CPNE4: variants seen among roughly 807,000 people sequenced by gnomAD.
CPNE4 encodes the protein copine-4.
Under a neutral mutation model 67.9 loss-of-function variants are expected in CPNE4, and 25 were observed. The observed-to-expected ratio is 0.37, with a 90% CI of 0.27 to 0.51. The LOEUF is 0.51. CPNE4 is among the 20% of genes least tolerant of loss of function. CPNE4 has a pLI of 0.93. For synonymous variants in CPNE4, 242 were observed against 244.9 expected, an observed-to-expected ratio of 0.99 and a Z score of 0.11; for missense variants, 464 against 690.8, an observed-to-expected ratio of 0.67 and a Z score of 3.68.
At chr3:131,796,487 A>G (rs115628821) in intron 2 of CPNE4, among the ~76,000 whole-genome samples, 4,316 of 152,318 alleles carry the variant, frequency 0.028, 213 homozygotes, top group African/African-American at 0.097. Context: ...GACATGTTGT[A>G]TAAGTCTATG....
intron 7 of CPNE4, among the ~76,000 whole-genome samples, chr3:131,604,069 T>A (rs969775698): frequency 1.1e-4 from 17 of 152,156 alleles, no homozygotes; most frequent in Admixed American, 2.0e-4. Flanking sequence ...GCATCATACT[T>A]CTTATTAATA....
intron 2 of CPNE4, among the ~76,000 whole-genome samples, chr3:131,787,136 T>C (rs1228116999): frequency 6.6e-6 from 1 of 152,204 alleles, no homozygotes; most frequent in Non-Finnish European, 1.5e-5. Context: ...TTGTAAGATT[T>C]CTCCTGGGTC....
At chr3:131,703,540 G>T (rs1391505289) in intron 3 of CPNE4, among the ~76,000 whole-genome samples, 1 of 152,066 alleles carries the variant, frequency 6.6e-6, no homozygotes, top group Admixed American at 6.6e-5. Context: ...TAACAGCATG[G>T]GTCTTCAATT....
At chr3:131,801,884 CAAAA>C (rs766283450) in intron 2 of CPNE4, among the ~76,000 whole-genome samples, 2 of 44,416 alleles carry the variant, frequency 4.5e-5, no homozygotes, top group Non-Finnish European at 8.5e-5. Flanking sequence ...AGCCAAATGC[CAAAA>C]AAAAAAAAAA....
chr3:131,872,920 T>C, intron 2 of CPNE4, among the ~76,000 whole-genome samples: 1 of 152,168 alleles, frequency 6.6e-6, no homozygotes, highest in East Asian at 1.9e-4. Context: ...AGATATCATG[T>C]AGACAAACTA....
At chr3:131,639,471 A>G (rs765475082) in intron 7 of CPNE4, among the ~76,000 whole-genome samples, 25 of 152,140 alleles carry the variant, frequency 1.6e-4, no homozygotes, top group Non-Finnish European at 3.4e-4. Flanking sequence ...ATGACATAGA[A>G]TCTCTGAACA....
chr3:132,006,454 C>A (rs2073608685), intron 1 of CPNE4, among the ~76,000 whole-genome samples: 1 of 152,150 alleles, frequency 6.6e-6, no homozygotes, highest in African/African-American at 2.4e-5. Context: ...CTGTTTACAA[C>A]TTAGGCTCTC....
intron 1 of CPNE4, among the ~76,000 whole-genome samples, chr3:131,964,692 CAAG>C (rs1034490876): frequency 6.6e-6 from 1 of 151,764 alleles, no homozygotes; most frequent in African/African-American, 2.4e-5. Flanking sequence ...TGAAAAGGAA[CAAG>C]AAAAGCCTCC....
At chr3:131,930,092 GT>G (rs1409728018) in intron 1 of CPNE4, among the ~76,000 whole-genome samples, 2 of 152,152 alleles carry the variant, frequency 1.3e-5, no homozygotes, top group African/African-American at 4.8e-5. Context: ...AGATAGTCAT[GT>G]TAAAGTATTG....
chr3:132,010,092 G>C (rs1238417956), intron 1 of CPNE4, among the ~76,000 whole-genome samples: 1 of 152,176 alleles, frequency 6.6e-6, no homozygotes. Flanking sequence ...TCTTTGAAAA[G>C]TACTATCACC....
intron 2 of CPNE4, among the ~76,000 whole-genome samples, chr3:131,895,140 G>A (rs1030716985): frequency 3.9e-5 from 6 of 151,980 alleles, no homozygotes; most frequent in Non-Finnish European, 8.8e-5. Flanking sequence ...TTACTTATAT[G>A]TAGAATCTTT....
At chr3:131,801,486 T>G (rs1259981365) in intron 2 of CPNE4, among the ~76,000 whole-genome samples, 8 of 109,776 alleles carry the variant, frequency 7.3e-5, no homozygotes, top group African/African-American at 2.4e-4. Context: ...ATAATATCAC[T>G]GCTGAAGAGT....
chr3:131,893,358 C>T (rs969976667), intron 2 of CPNE4, among the ~76,000 whole-genome samples: 2 of 151,914 alleles, frequency 1.3e-5, no homozygotes, highest in Admixed American at 1.3e-4. Flanking sequence ...GAGAGGTAGT[C>T]AGCAATACAG....
At chr3:131,986,855 A>C (rs1486206153) in intron 1 of CPNE4, among the ~76,000 whole-genome samples, 3 of 101,538 alleles carry the variant, frequency 3.0e-5, no homozygotes, top group Non-Finnish European at 5.9e-5. Flanking sequence ...AAAAAAAACA[A>C]AAACAAACAA....
chr3:131,897,727 T>C (rs536397316), intron 2 of CPNE4, among the ~76,000 whole-genome samples: 4 of 152,006 alleles, frequency 2.6e-5, no homozygotes, highest in Admixed American at 6.6e-5. Flanking sequence ...AGATCCCATC[T>C]CTATGAAAAA....
At chr3:131,758,933 C>A (rs568077638) in intron 2 of CPNE4, among the ~76,000 whole-genome samples, 1 of 152,246 alleles carries the variant, frequency 6.6e-6, no homozygotes, top group Non-Finnish European at 1.5e-5. Flanking sequence ...CCTCCCCAGG[C>A]ATATGAAACT....
intron 2 of CPNE4, among the ~76,000 whole-genome samples, chr3:131,772,232 C>T (rs2083185437): frequency 6.6e-6 from 1 of 151,998 alleles, no homozygotes; most frequent in Non-Finnish European, 1.5e-5. Flanking sequence ...TTAGCCCATA[C>T]CTACACCATG....
intron 2 of CPNE4, among the ~76,000 whole-genome samples, chr3:131,800,071 CTTCTAATGATCCTG>C (rs2084048995): frequency 6.6e-6 from 1 of 151,942 alleles, no homozygotes; most frequent in African/African-American, 2.4e-5. Context: ...GAGGTTTGGG[CTTCTAATGATCCTG>C]TCACCCAAGT....
chr3:131,610,176 A>G (rs1247684096), intron 7 of CPNE4, among the ~76,000 whole-genome samples: 2 of 152,138 alleles, frequency 1.3e-5, no homozygotes, highest in Admixed American at 1.3e-4. Context: ...GTCACTGTAG[A>G]TAAAATGATG....
Sources: allele counts gnomAD v4.1 joint callset (sites outside exome capture counted in the v4.1 genomes callset), GRCh38; gene constraint gnomAD v4.1.1; transcripts MANE v1.5; gene names NCBI Gene and HGNC (gene_info 2026-07-23, HGNC 2026-07-21).